RBPJ: variants seen among roughly 807,000 people sequenced by gnomAD.
The protein encoded by RBPJ is recombination signal binding protein for immunoglobulin kappa J region.
In RBPJ, 9 loss-of-function variants were observed where a neutral mutation model predicts 67.8. The ratio of observed to expected loss-of-function variants is 0.13; its 90% CI spans 0.08 to 0.23. The LOEUF (loss-of-function observed/expected upper bound fraction) is 0.23. Ranked by LOEUF, RBPJ falls within the 10% of genes least tolerant of loss-of-function variation. The probability of loss-of-function intolerance (pLI) is 1.00; values close to 1 mark genes in which losing one functional copy is unlikely to be tolerated. For missense variants in RBPJ, 305 were observed against 595.6 expected (o/e 0.51, Z 5.08); for synonymous variants, 198 against 203.3 (o/e 0.97, Z 0.22).
chr4:26,207,672 G>GC (rs1175940282), intron 1 of RBPJ, among the ~76,000 whole-genome samples: 1 of 152,206 alleles, frequency 6.6e-6, no homozygotes, highest in Non-Finnish European at 1.5e-5. Context: ...AGCAATGCCT[G>GC]CCCTTGGGGA....
chr4:26,269,617 C>T (rs917327697), intron 1 of RBPJ, among the ~76,000 whole-genome samples: 12 of 152,122 alleles, frequency 7.9e-5, no homozygotes, highest in African/African-American at 2.9e-4. Flanking sequence ...ATCTACCTGC[C>T]TCCCCCACCG....
the RBPJ span, among the ~76,000 whole-genome samples, chr4:26,140,189 C>G: frequency 4.6e-5 from 7 of 152,236 alleles, no homozygotes; most frequent in Non-Finnish European, 8.8e-5. Context: ...GTTACCACAG[C>G]CTTGATTGGC....
At chr4:26,341,572 C>T (rs1225712448) in intron 1 of RBPJ, among the ~76,000 whole-genome samples, 3 of 152,126 alleles carry the variant, frequency 2.0e-5, no homozygotes, top group African/African-American at 4.8e-5. Context: ...CGAGATTGCA[C>T]CACTGCACTC....
intron 1 of RBPJ, among the ~76,000 whole-genome samples, chr4:26,183,334 AC>A (rs1405395740): frequency 6.6e-6 from 1 of 152,154 alleles, no homozygotes; most frequent in Non-Finnish European, 1.5e-5. Context: ...ATCCACAGAA[AC>A]TGTGATGCGG....
At position 26,285,200 on chromosome 4, in the gene RBPJ, G is replaced by A. The variant is rs186694366; in HGVS notation, c.-166-77246G>A. Among the ~76,000 whole-genome samples the A allele has an allele frequency of 1.6e-4, 25 of 152,096 alleles. No homozygotes were observed. The East Asian group carries it at 4.6e-3, about 28-fold the overall frequency. ...ACATATATCTCAGTGTCCAGACTCC[G>A]GAAAGGCATTTCTGTATAGCAGGCC... On this transcript the variant is annotated intron_variant, in intron 1 of 4. Coordinates refer to the RBPJ transcript ENST00000512351.
intron 1 of RBPJ, among the ~76,000 whole-genome samples, chr4:26,177,452 CTG>C (rs957041214): frequency 2.0e-5 from 3 of 152,098 alleles, no homozygotes; most frequent in Non-Finnish European, 4.4e-5. Context: ...TGTTGTGCAC[CTG>C]TAGTCCCAGC....
chr4:26,172,495 T>C (rs1307332652), intron 1 of RBPJ, among the ~76,000 whole-genome samples: 1 of 152,176 alleles, frequency 6.6e-6, no homozygotes, highest in Non-Finnish European at 1.5e-5. Flanking sequence ...GGAATAACTG[T>C]CATTTCCTAT....
chr4:26,257,360 C>T (rs562150544), intron 1 of RBPJ, among the ~76,000 whole-genome samples: 8 of 152,258 alleles, frequency 5.3e-5, no homozygotes, highest in South Asian at 2.1e-4. Flanking sequence ...CCGGGCACGG[C>T]GGCTCATGCC....
At chr4:26,356,398 G>A (rs1727380811) in intron 1 of RBPJ, among the ~76,000 whole-genome samples, 1 of 152,202 alleles carries the variant, frequency 6.6e-6, no homozygotes, top group South Asian at 2.1e-4. Flanking sequence ...TGAGAAAGTA[G>A]GAGAGTGAAT....
At chr4:26,268,130 A>G (rs1037906093) in intron 1 of RBPJ, among the ~76,000 whole-genome samples, 33 of 152,064 alleles carry the variant, frequency 2.2e-4, no homozygotes, top group African/African-American at 7.7e-4. Flanking sequence ...TTTGATTTCT[A>G]TATGAAGGGA....
At chr4:26,169,020 C>T (rs1302680248) in intron 1 of RBPJ, among the ~76,000 whole-genome samples, 10 of 152,226 alleles carry the variant, frequency 6.6e-5, no homozygotes, top group Admixed American at 3.3e-4. Context: ...GTTTGAATTT[C>T]CTCCTGTAGC....
intron 1 of RBPJ, among the ~76,000 whole-genome samples, chr4:26,181,716 T>C (rs1351551499): frequency 6.6e-6 from 1 of 152,164 alleles, no homozygotes; most frequent in Non-Finnish European, 1.5e-5. Flanking sequence ...CTGGATACTG[T>C]AGGTAATTGG....
rs1736298047 is a variant in RBPJ at position 26,432,192 on chromosome 4, A to G, written c.*1185A>G. The G allele has an allele frequency of 6.6e-6, 1 of 152,264 alleles. No individual in the cohort carries two copies. The highest frequency in any genetic ancestry group is 1.5e-5 in the Non-Finnish European group (1 of 68,064). 9.4% of individuals were successfully genotyped at this position (152,264 alleles called of 1,614,324 possible). A position where few individuals can be genotyped will look rare whatever the true frequency, so the allele number is the denominator to read the frequency against. Reference sequence around the variant, plus strand: ...GGTAGATGGTGCCCTTAATGGTAGAATGAGGAAAATGTCCGCAAAAGCATG... The same window carrying G: ...GGTAGATGGTGCCCTTAATGGTAGAGTGAGGAAAATGTCCGCAAAAGCATG... On this transcript the variant is annotated 3_prime_UTR_variant, in exon 11 of 11. Coordinates refer to ENST00000355476, the MANE Select transcript of RBPJ (RefSeq NM_015874.6).
intron 1 of RBPJ, among the ~76,000 whole-genome samples, chr4:26,239,328 A>C (rs1719556151): frequency 6.6e-6 from 1 of 152,298 alleles, no homozygotes; most frequent in East Asian, 1.9e-4. Context: ...TTTCTTTCTG[A>C]ATAAGCAGTT....
the RBPJ span, among the ~76,000 whole-genome samples, chr4:26,143,804 T>C: frequency 6.6e-6 from 1 of 152,138 alleles, no homozygotes; most frequent in Non-Finnish European, 1.5e-5. Flanking sequence ...GACACACACC[T>C]GTAGTCTCAG....
chr4:26,190,436 C>A (rs1246001529), intron 1 of RBPJ, among the ~76,000 whole-genome samples: 1 of 152,098 alleles, frequency 6.6e-6, no homozygotes, highest in Non-Finnish European at 1.5e-5. Context: ...TCAAGTTTGA[C>A]CTGAGTTTGG....
At chr4:26,345,816 C>G (rs1456480974) in intron 1 of RBPJ, among the ~76,000 whole-genome samples, 1 of 152,118 alleles carries the variant, frequency 6.6e-6, no homozygotes, top group Non-Finnish European at 1.5e-5. Flanking sequence ...TACTTTGAGG[C>G]ATTGGTAGGT....
chr4:26,424,376 T>C lies in RBPJ; in HGVS notation c.531T>C (p.Phe177=), dbSNP rs770283468. The change falls in exon 6 of 11, where the codon TTT becomes TTC. Residue 177 remains phenylalanine, a synonymous_variant. Coordinates refer to ENST00000355476, the MANE Select transcript of RBPJ (RefSeq NM_015874.6). This position sits in a 1 kb window ranked among gnomAD's most constrained non-coding sequence, Gnocchi z 5.3. ...CIASGTKVAL[F]NRLRSQTVST... ...CCTCAGGAACAAAGGTGGCTCTGTTTAATCGACTACGATCCCAGACAGTTA... is the reference window on the plus strand; with the variant it reads ...CCTCAGGAACAAAGGTGGCTCTGTTCAATCGACTACGATCCCAGACAGTTA... 2.5e-6 allele frequency: 4 copies of C among 1,614,000 alleles called. No individual in the cohort carries two copies. The highest frequency in any genetic ancestry group is 1.7e-5 in the Admixed American group (1 of 60,014).
At chr4:26,288,280 G>A (rs537505163) in intron 1 of RBPJ, among the ~76,000 whole-genome samples, 41 of 152,198 alleles carry the variant, frequency 2.7e-4, no homozygotes, top group Non-Finnish European at 4.7e-4. Context: ...CAAGAAGTTG[G>A]CTGGACATAC....
Sources: allele counts gnomAD v4.1 joint callset (sites outside exome capture counted in the v4.1 genomes callset), GRCh38; gene constraint gnomAD v4.1.1; non-coding constraint Gnocchi (gnomAD v3.1); transcripts MANE v1.5; gene names NCBI Gene and HGNC (gene_info 2026-07-23, HGNC 2026-07-21).